Variants in BMPR1B observed in about 807,000 individuals in gnomAD.
BMPR1B encodes the protein bone morphogenetic protein receptor type-1B.
In BMPR1B, 12 loss-of-function variants were observed where a neutral mutation model predicts 59.1. That is an observed-to-expected ratio of 0.20 (90% confidence interval 0.13 to 0.33). The LOEUF (loss-of-function observed/expected upper bound fraction) is 0.33, where lower values mean the gene tolerates loss of function less well. Ranked by LOEUF, BMPR1B falls within the 10% of genes least tolerant of loss-of-function variation. The pLI is 1.00. For missense variants in BMPR1B, 550 were observed against 610.9 expected, an observed-to-expected ratio of 0.90 and a Z score of 1.05; for synonymous variants, 237 against 207.3, an observed-to-expected ratio of 1.14 and a Z score of -1.23.
intron 3 of BMPR1B, among the ~76,000 whole-genome samples, chr4:95,032,365 G>A (rs545687738): frequency 6.6e-6 from 1 of 152,018 alleles, no homozygotes; most frequent in East Asian, 1.9e-4. Context: ...TCTGTGATAG[G>A]GTCCTTACTC....
At chr4:95,144,563 T>A (rs1299117344) in intron 10 of BMPR1B, among the ~76,000 whole-genome samples, 1 of 152,074 alleles carries the variant, frequency 6.6e-6, no homozygotes, top group East Asian at 1.9e-4. Flanking sequence ...TTATCTGACA[T>A]CTCTTTATTT....
intron 2 of BMPR1B, among the ~76,000 whole-genome samples, chr4:94,994,694 AC>A (rs1388937202): frequency 7.2e-6 from 1 of 138,344 alleles, no homozygotes; most frequent in East Asian, 2.0e-4. Flanking sequence ...CTTATGTGTA[AC>A]TTTTTTTTTT....
chr4:95,107,719 A>C (rs554015953), intron 4 of BMPR1B, among the ~76,000 whole-genome samples: 1 of 152,232 alleles, frequency 6.6e-6, no homozygotes, highest in Non-Finnish European at 1.5e-5. Context: ...TGATGATATG[A>C]TAGAAAAATT....
chr4:94,893,889 C>T (rs1200755794), intron 2 of BMPR1B, among the ~76,000 whole-genome samples: 6 of 151,898 alleles, frequency 4.0e-5, no homozygotes, highest in Non-Finnish European at 8.8e-5. Context: ...AATTTGAGTC[C>T]CACAGTGAAA....
chr4:95,086,228 A>T (rs923584175), intron 3 of BMPR1B, among the ~76,000 whole-genome samples: 3 of 152,168 alleles, frequency 2.0e-5, no homozygotes, highest in African/African-American at 7.2e-5. Context: ...TATTTTTTAA[A>T]AATTAAGAAC....
At chr4:94,933,053 A>G (rs1296131499) in intron 2 of BMPR1B, among the ~76,000 whole-genome samples, 7 of 152,090 alleles carry the variant, frequency 4.6e-5, no homozygotes, top group Non-Finnish European at 1.0e-4. Context: ...CATCTGGTGT[A>G]TCTTTCTTTT....
chr4:94,855,623 A>G (rs1725725985), intron 1 of BMPR1B, among the ~76,000 whole-genome samples: 1 of 152,212 alleles, frequency 6.6e-6, no homozygotes, highest in African/African-American at 2.4e-5. Context: ...ACTTCAACTA[A>G]AGGGAAAGCC....
At chr4:95,089,905 A>G (rs947157232) in intron 3 of BMPR1B, among the ~76,000 whole-genome samples, 1 of 152,116 alleles carries the variant, frequency 6.6e-6, no homozygotes, top group African/African-American at 2.4e-5. Flanking sequence ...GTTCCAATTC[A>G]ACTGTCTTAT....
intron 3 of BMPR1B, among the ~76,000 whole-genome samples, chr4:95,068,416 C>T (rs1728017368): frequency 6.6e-6 from 1 of 152,156 alleles, no homozygotes; most frequent in Non-Finnish European, 1.5e-5. Context: ...CCCGTGACTG[C>T]TGTCAGGGCT....
chr4:94,897,579 T>C (rs1177133760), intron 2 of BMPR1B, among the ~76,000 whole-genome samples: 1 of 152,104 alleles, frequency 6.6e-6, no homozygotes, highest in Non-Finnish European at 1.5e-5. Flanking sequence ...TTCTATGAAT[T>C]TTAAATGAGA....
chr4:94,841,407 CAG>C (rs1199103199), intron 1 of BMPR1B, among the ~76,000 whole-genome samples: 1 of 151,298 alleles, frequency 6.6e-6, no homozygotes, highest in African/African-American at 2.4e-5. Flanking sequence ...TGCTAGCAAT[CAG>C]GGAGACTCCA....
At chr4:94,880,438 C>T (rs563690524) in intron 2 of BMPR1B, among the ~76,000 whole-genome samples, 1 of 152,254 alleles carries the variant, frequency 6.6e-6, no homozygotes, top group Non-Finnish European at 1.5e-5. Context: ...CCTCCCACCT[C>T]AGCCTCCTGA....
chr4:95,104,401 C>T lies in BMPR1B; in HGVS notation c.-17-7C>T, dbSNP rs746909628. On this transcript the variant is annotated splice_polypyrimidine_tract_variant and splice_region_variant and intron_variant, in intron 3 of 12. Transcript: ENST00000515059. ...AGATGCCTAACTCTCACTATTTCTTCTTTCAGCAAACTTCCTTGATAACAT... is the reference window on the plus strand; with the variant it reads ...AGATGCCTAACTCTCACTATTTCTTTTTTCAGCAAACTTCCTTGATAACAT... 31 of 1,612,570 alleles carry T rather than the reference C, an allele frequency of 1.9e-5. No individual in the cohort carries two copies. The highest frequency in any genetic ancestry group is 2.6e-5 in the Non-Finnish European group (31 of 1,179,250).
At chr4:95,047,698 A>C (rs1275044978) in intron 3 of BMPR1B, among the ~76,000 whole-genome samples, 1 of 152,240 alleles carries the variant, frequency 6.6e-6, no homozygotes, top group East Asian at 1.9e-4. Context: ...GAGACTATCT[A>C]AATATATAAA....
At chr4:95,122,633 T>C (rs980291778) in intron 6 of BMPR1B, among the ~76,000 whole-genome samples, 3 of 152,222 alleles carry the variant, frequency 2.0e-5, no homozygotes, top group African/African-American at 7.2e-5. Context: ...ATGATACTGT[T>C]AGCAGTAATT....
intron 3 of BMPR1B, among the ~76,000 whole-genome samples, chr4:95,009,103 A>G (rs1328121069): frequency 6.6e-6 from 1 of 152,168 alleles, no homozygotes; most frequent in Non-Finnish European, 1.5e-5. Context: ...CATACCTACC[A>G]TGTTGGTAAA....
At chr4:94,939,656 A>G (rs543586247) in intron 2 of BMPR1B, among the ~76,000 whole-genome samples, 32 of 152,308 alleles carry the variant, frequency 2.1e-4, no homozygotes, top group African/African-American at 7.5e-4. Context: ...CTGTATAGAG[A>G]CAGGCAGCTA....
intron 2 of BMPR1B, among the ~76,000 whole-genome samples, chr4:94,971,182 G>A (rs1479450603): frequency 1.3e-5 from 2 of 152,060 alleles, no homozygotes; most frequent in Non-Finnish European, 2.9e-5. Flanking sequence ...CATGAAATAC[G>A]ATAAATAAAA....
At chr4:95,009,900 A>G (rs1723102244) in intron 3 of BMPR1B, among the ~76,000 whole-genome samples, 1 of 152,206 alleles carries the variant, frequency 6.6e-6, no homozygotes, top group Admixed American at 6.5e-5. Context: ...CGTGTGGAGA[A>G]TGATGAACTG....
Sources: allele counts gnomAD v4.1 joint callset (sites outside exome capture counted in the v4.1 genomes callset), GRCh38; gene constraint gnomAD v4.1.1; transcripts MANE v1.5; gene names NCBI Gene and HGNC (gene_info 2026-07-23, HGNC 2026-07-21).